Variants in KDM1A observed in about 807,000 individuals in gnomAD.
KDM1A encodes lysine demethylase 1A.
In KDM1A, 49 loss-of-function variants were observed where a neutral mutation model predicts 109.4. The ratio of observed to expected loss-of-function variants is 0.45; its 90% CI spans 0.36 to 0.57. The LOEUF (loss-of-function observed/expected upper bound fraction) is 0.57. KDM1A is among the 20% of genes least tolerant of loss of function. The pLI, the probability that KDM1A is intolerant of heterozygous loss-of-function variation, is 0.00. For synonymous variants in KDM1A, 380 were observed against 415.4 expected (o/e 0.91, Z 1.04); for missense variants, 668 against 1,116.6 (o/e 0.60, Z 5.73).
Position 23,020,083 on chromosome 1 carries a change from C to G in KDM1A, c.351+136C>G, listed in dbSNP as rs891767736. 3.1e-6 allele frequency: 3 copies of G among 954,600 alleles called. No individual in the cohort carries two copies. In the South Asian group the frequency reaches 7.4e-5, roughly 24 times the overall value. 59.1% of individuals were successfully genotyped at this position (954,600 alleles called of 1,614,324 possible). A position where few individuals can be genotyped will look rare whatever the true frequency, so the allele number is the denominator to read the frequency against. On this transcript the variant is annotated intron_variant, in intron 1 of 20. Coordinates refer to ENST00000400181, the MANE Select transcript of KDM1A (RefSeq NM_001009999.3). Reference sequence around the variant, plus strand: ...TCCCCTTGTATCGCTGCGCACGCCACGTCCCCTCTAGCTGGACGGGTGGGG... The same window carrying G: ...TCCCCTTGTATCGCTGCGCACGCCAGGTCCCCTCTAGCTGGACGGGTGGGG...
intron 9 of KDM1A, among the ~76,000 whole-genome samples, chr1:23,063,334 TAAGAGA>T (rs547423241): frequency 1.4e-4 from 21 of 151,798 alleles, no homozygotes; most frequent in Middle Eastern, 3.4e-3. Context: ...GTTCAGCTGT[TAAGAGA>T]AAGAATGACA....
Position 23,032,401 on chromosome 1 carries a change from A to G in KDM1A, c.517+1767A>G, listed in dbSNP as rs376060176. ...TTCATAAACGTCAGGTATTGTTCCCACAAAAAGTAAACGTCTTAGCAAAAG... is the reference window on the plus strand; with the variant it reads ...TTCATAAACGTCAGGTATTGTTCCCGCAAAAAGTAAACGTCTTAGCAAAAG... On this transcript the variant is annotated intron_variant, in intron 2 of 20. Transcript: ENST00000400181. 8.0e-5 allele frequency among the ~76,000 whole-genome samples: 12 copies of G among 150,166 alleles called. No individual in the cohort carries two copies. In the East Asian group the frequency reaches 2.3e-3, roughly 29 times the overall value.
chr1:23,077,865 G>A (rs1252354978), intron 16 of KDM1A, among the ~76,000 whole-genome samples: 1 of 152,148 alleles, frequency 6.6e-6, no homozygotes, highest in African/African-American at 2.4e-5. Flanking sequence ...ATTCGCTTAC[G>A]TTTGGTTCCT....
In KDM1A at chr1:23,019,497, G is replaced by T; in HGVS notation, c.-100G>T. 7.7e-7 allele frequency: 1 copy of T among 1,296,606 alleles called. No homozygotes were observed. Among genetic ancestry groups the T allele is most frequent in the Admixed American group, 3.3e-5 (1 of 30,326 alleles). The allele number at this position is 1,296,606 out of a possible 1,614,324, so 80.3% of individuals were successfully genotyped here. A position where few individuals can be genotyped will look rare whatever the true frequency, so the allele number is the denominator to read the frequency against. ...CGTGCGTACGCGACGGCGGTTGGCGGCGCGCGGGCAGCGTGAAGCGAGGCG... is the reference window on the plus strand; with the variant it reads ...CGTGCGTACGCGACGGCGGTTGGCGTCGCGCGGGCAGCGTGAAGCGAGGCG... On this transcript the variant is annotated 5_prime_UTR_variant, in exon 1 of 21. Coordinates refer to ENST00000400181, the MANE Select transcript of KDM1A (RefSeq NM_001009999.3).
chr1:23,079,501 C>G lies in KDM1A; in HGVS notation c.2056-52C>G. 7.5e-7 allele frequency: 1 copy of G among 1,330,618 alleles called. No homozygotes were observed. The highest frequency in any genetic ancestry group is 1.2e-5 in the South Asian group (1 of 80,756). 82.4% of individuals were successfully genotyped at this position (1,330,618 alleles called of 1,614,324 possible). A position where few individuals can be genotyped will look rare whatever the true frequency, so the allele number is the denominator to read the frequency against. On this transcript the variant is annotated intron_variant, in intron 17 of 20. Transcript: ENST00000400181. The surrounding 1 kb of genome is among the most constrained non-coding windows in gnomAD (Gnocchi z 5.6). ...GAGACTTTAAGGAAGTCTGTTGAAGCCAGTATTATCTGGCCCCTGTCACTG... is the reference window on the plus strand; with the variant it reads ...GAGACTTTAAGGAAGTCTGTTGAAGGCAGTATTATCTGGCCCCTGTCACTG...
intron 2 of KDM1A, among the ~76,000 whole-genome samples, chr1:23,034,585 A>T (rs149526557): frequency 1.8e-4 from 28 of 152,176 alleles, no homozygotes; most frequent in African/African-American, 6.8e-4. Context: ...TGATTCTCCA[A>T]CACTTACTTG....
chr1:23,044,611 C>A, intron 3 of KDM1A, 125 bp downstream of exon 3: 1 of 757,976 alleles, frequency 1.3e-6, no homozygotes, highest in Non-Finnish European at 2.1e-6. Context: ...ATTTAACCCA[C>A]AGGACATAAT....
At position 23,079,702 on chromosome 1, in the gene KDM1A, C is replaced by T; in HGVS notation, c.2170+35C>T. 2 of 1,342,448 alleles carry T rather than the reference C, an allele frequency of 1.5e-6. No individual in the cohort carries two copies. The highest frequency in any genetic ancestry group is 2.1e-6 in the Non-Finnish European group (2 of 960,264). The allele number at this position is 1,342,448 out of a possible 1,614,324, so 83.2% of individuals were successfully genotyped here. The stretch of plus-strand genomic sequence containing the variant: ...TTCTAATTTTAATCTTTTCCATATC[C>T]TTACAGGAATATAGAATTTGAAATA... On this transcript the variant is annotated intron_variant, in intron 18 of 20. Transcript: ENST00000400181. This position sits in a 1 kb window ranked among gnomAD's most constrained non-coding sequence, Gnocchi z 5.6.
intron 1 of KDM1A, among the ~76,000 whole-genome samples, chr1:23,026,970 A>G (rs1289303760): frequency 6.6e-6 from 1 of 152,134 alleles, no homozygotes. Flanking sequence ...TTCTCAGGGG[A>G]ATAGTTTTTA....
chr1:23,043,118 G>T (rs776345113), intron 2 of KDM1A, among the ~76,000 whole-genome samples: 14 of 152,194 alleles, frequency 9.2e-5, no homozygotes, highest in Non-Finnish European at 2.1e-4. Context: ...TAAGTTTATA[G>T]TAGAGTTTAA....
chr1:23,044,852 A>C (rs1272793697), intron 3 of KDM1A, among the ~76,000 whole-genome samples: 1 of 152,200 alleles, frequency 6.6e-6, no homozygotes, highest in Non-Finnish European at 1.5e-5. Context: ...ACAGGCTCAA[A>C]AGTCTAAAAG....
At chr1:23,076,583 C>G (rs1205155298) in intron 15 of KDM1A, among the ~76,000 whole-genome samples, 1 of 148,040 alleles carries the variant, frequency 6.8e-6, no homozygotes, top group African/African-American at 2.5e-5. Context: ...GTTTAATCAT[C>G]TGAATTTCCT....
chr1:23,078,738 G>A (rs973959136), intron 16 of KDM1A, among the ~76,000 whole-genome samples: 5 of 152,166 alleles, frequency 3.3e-5, no homozygotes, highest in Admixed American at 2.0e-4. Flanking sequence ...GTATCAGGAG[G>A]GTAGTGTGGG....
intron 15 of KDM1A, among the ~76,000 whole-genome samples, chr1:23,076,324 A>G (rs1643463678): frequency 6.6e-6 from 1 of 152,134 alleles, no homozygotes; most frequent in Non-Finnish European, 1.5e-5. Context: ...GGATCTTTAA[A>G]TTCCTGGTCA....
At chr1:23,027,598 AT>A (rs1362736327) in intron 1 of KDM1A, among the ~76,000 whole-genome samples, 1 of 135,092 alleles carries the variant, frequency 7.4e-6, no homozygotes, top group African/African-American at 2.7e-5. Flanking sequence ...AAGTTGTTTT[AT>A]TTTTTTGTAA....
chr1:23,039,549 C>T (rs1297217367), intron 2 of KDM1A, among the ~76,000 whole-genome samples: 2 of 152,158 alleles, frequency 1.3e-5, no homozygotes, highest in African/African-American at 4.8e-5. Context: ...ACTAAAATCA[C>T]GTTCAGGTTT....
At chr1:23,051,598 G>T (rs1204012908) in intron 4 of KDM1A, among the ~76,000 whole-genome samples, 2 of 152,084 alleles carry the variant, frequency 1.3e-5, no homozygotes, top group African/African-American at 2.4e-5. Flanking sequence ...TATTTCTTCT[G>T]TAAATTTTTC....
chr1:23,043,747 C>T (rs1642422609), intron 2 of KDM1A, among the ~76,000 whole-genome samples: 1 of 152,288 alleles, frequency 6.6e-6, no homozygotes, highest in Non-Finnish European at 1.5e-5. Flanking sequence ...CTTAACAAAG[C>T]TTATTATGTA....
chr1:23,022,992 T>TACAG (rs1247968794), intron 1 of KDM1A, among the ~76,000 whole-genome samples: 51 of 152,344 alleles, frequency 3.3e-4, no homozygotes, highest in African/African-American at 1.2e-3. Context: ...ATTGTTTGTC[T>TACAG]TTTACTGTAG....
Sources: gnomAD v4.1 joint callset for allele counts (sites outside exome capture counted in the v4.1 genomes callset) on GRCh38, gnomAD v4.1.1 for gene constraint, Gnocchi (gnomAD v3.1) non-coding constraint, MANE v1.5 for transcripts, NCBI Gene and HGNC (gene_info 2026-07-23, HGNC 2026-07-21) for gene names.